Variants in PRR14L observed in about 807,000 individuals in gnomAD.
The protein encoded by PRR14L is proline rich 14 like.
Under a neutral mutation model 155.0 loss-of-function variants are expected in PRR14L, and 80 were observed. The observed-to-expected ratio is 0.52, with a 90% CI of 0.43 to 0.62. PRR14L has a LOEUF of 0.62. Among genes scored for constraint, PRR14L ranks in the 20% least tolerant of loss-of-function variants. The pLI is 0.00. For synonymous variants in PRR14L, 883 were observed against 916.0 expected (o/e 0.96, Z 0.65); for missense variants, 2,469 against 2,548.0 (o/e 0.97, Z 0.67).
chr22:31,722,413 GA>G (rs899810521), intron 3 of PRR14L, among the ~76,000 whole-genome samples: 2 of 122,236 alleles, frequency 1.6e-5, no homozygotes, highest in African/African-American at 6.2e-5. Context: ...CTGGGTGACA[GA>G]AAGAAAAAAA....
intron 2 of PRR14L, among the ~76,000 whole-genome samples, chr22:31,730,545 GT>G (rs1325678627): frequency 1.3e-5 from 2 of 152,242 alleles, no homozygotes; most frequent in Non-Finnish European, 2.9e-5. Context: ...CTATCACGGT[GT>G]TAGGGTGCCT....
chr22:31,725,634 C>T, intron 2 of PRR14L, 24 bp from the exon 3 acceptor site: 2 of 1,418,490 alleles, frequency 1.4e-6, no homozygotes, highest in Non-Finnish European at 1.9e-6. Flanking sequence ...ATCCAGTGGT[C>T]AAGGGGGATT....
At position 31,715,722 on chromosome 22, in the gene PRR14L, G is replaced by A; in HGVS notation, c.2117C>T (p.Thr706Ile). Residue 706 changes from threonine (T) to isoleucine (I), a missense_variant, in exon 4 of 9, where the codon ACC becomes ATC. Around this residue, in one of 2 missense-constraint regions of PRR14L, gnomAD observed 2,363 missense variants for 2,371.6 expected, o/e 1.00. Coordinates refer to ENST00000327423, the MANE Select transcript of PRR14L (RefSeq NM_173566.3). The stretch of plus-strand genomic sequence containing the variant: ...TTTTATTTTTGTCTGAATGGGAATG[G>A]TTTGTATATCAGCAATGACATCTGC... ...GRADVIADIQ[T>I]IPIQTKIKDI... The A allele has an allele frequency of 6.4e-7, 1 of 1,552,268 alleles. No individual in the cohort carries two copies. Among genetic ancestry groups the A allele is most frequent in the East Asian group, 2.4e-5 (1 of 40,932 alleles).
In PRR14L at chr22:31,714,196, C is replaced by CA. The variant is rs1472531278; in HGVS notation, c.3642dup (p.Gly1215TrpfsTer12). 6.4e-7 allele frequency: 1 copy of CA among 1,551,510 alleles called. No individual in the cohort carries two copies. Among genetic ancestry groups the CA allele is most frequent in the Non-Finnish European group, 8.7e-7 (1 of 1,146,926 alleles). On this transcript the variant is annotated frameshift_variant, in exon 4 of 9. Transcript: ENST00000327423. LOFTEE classifies it high-confidence loss of function. ...GACATCGACTCTTTTGAGGAAATTCCAAAGGTACTTTCTTTGCCAAACTCA... is the reference window on the plus strand; with the variant it reads ...GACATCGACTCTTTTGAGGAAATTCCAAAAGGTACTTTCTTTGCCAAACTCA...
chr22:31,748,559 C>T (rs1211397312), intron 1 of PRR14L, among the ~76,000 whole-genome samples: 5 of 152,148 alleles, frequency 3.3e-5, no homozygotes, highest in African/African-American at 1.2e-4. Context: ...TTTCCATATA[C>T]AAGAGGGAAG....
chr22:31,715,305 C>G lies in PRR14L; in HGVS notation c.2534G>C (p.Ser845Thr). 5 of 1,552,116 alleles carry G rather than the reference C, an allele frequency of 3.2e-6. No homozygotes were observed. The highest frequency in any genetic ancestry group is 4.4e-6 in the Non-Finnish European group (5 of 1,147,092). The change falls in exon 4 of 9, where the codon AGC (serine) becomes ACC (threonine). Residue 845 changes from serine (S) to threonine (T), a missense_variant. Around this residue, in one of 2 missense-constraint regions of PRR14L, gnomAD observed 2,363 missense variants for 2,371.6 expected, o/e 1.00. Transcript: ENST00000327423. ...CQGTGHSVEK[S>T]SCKVSYTSQE... ...TGATGTGTAACTCACTTTACAGCTG[C>G]TTTTTTCCACAGAGTGTCCTGTTCC...
rs778534219 is a variant in PRR14L, at chr22:31,704,615, A to G, written c.5828+40T>C. ...TGCACTCTCTCTCTTGCACACACAC[A>G]CGCACACGCGCACACACACGCTGAG... On this transcript the variant is annotated intron_variant, in intron 5 of 8. Transcript: ENST00000327423. The G allele has an allele frequency of 2.6e-6, 4 of 1,551,302 alleles. No individual in the cohort carries two copies. In the South Asian group the frequency reaches 3.3e-5, roughly 13 times the overall value.
At chr22:31,706,147 C>T (rs1387706882) in intron 4 of PRR14L, among the ~76,000 whole-genome samples, 2 of 151,964 alleles carry the variant, frequency 1.3e-5, no homozygotes, top group Non-Finnish European at 2.9e-5. Context: ...GCCTGGCCAA[C>T]ACGATGAAAC....
chr22:31,718,244 T>TG (rs548823695), intron 3 of PRR14L, among the ~76,000 whole-genome samples: 5,220 of 146,842 alleles, frequency 0.036, 111 homozygotes, highest in South Asian at 0.066. Flanking sequence ...GCTAATTTTT[T>TG]GGGGGGGTTT....
At chr22:31,687,649 G>A (rs1033119677) in intron 8 of PRR14L, among the ~76,000 whole-genome samples, 14 of 151,894 alleles carry the variant, frequency 9.2e-5, no homozygotes, top group Admixed American at 3.9e-4. Flanking sequence ...ACCGTGCCTG[G>A]CTACATTTTC....
At chr22:31,694,024 C>G (rs1436467782) in intron 7 of PRR14L, among the ~76,000 whole-genome samples, 1 of 152,194 alleles carries the variant, frequency 6.6e-6, no homozygotes, top group East Asian at 1.9e-4. Flanking sequence ...CGCCTGTAGT[C>G]CTAGCACTTT....
At chr22:31,741,841 C>T (rs2074814808) in intron 1 of PRR14L, among the ~76,000 whole-genome samples, 1 of 152,236 alleles carries the variant, frequency 6.6e-6, no homozygotes, top group Non-Finnish European at 1.5e-5. Context: ...TACTGCACTC[C>T]AGCCTGGGTG....
In PRR14L at chr22:31,712,923, C is replaced by T. The variant is rs748886316; in HGVS notation, c.4916G>A (p.Arg1639Gln). The T allele has an allele frequency of 1.3e-5, 20 of 1,551,668 alleles. No individual in the cohort carries two copies. In the East Asian group the frequency reaches 2.0e-4, roughly 15 times the overall value. The change falls in exon 4 of 9, where the codon CGG (arginine) becomes CAG (glutamine). Residue 1639 changes from arginine to glutamine, a missense_variant. By Grantham distance (43) the Arg-to-Gln change is conservative. This residue lies in a region of PRR14L where 2,363 missense variants were observed against 2,371.6 expected (regional missense o/e 1.00). Transcript: ENST00000327423. ...AMKTQKLRYR[R>Q]CSSELLPMAK... ...CATTGGAAGAAGTTCAGAGGAACAC[C>T]GTCGGTATCTTAGCTTCTGAGTCTT...
At chr22:31,717,512 C>T (rs932440121) in intron 3 of PRR14L, among the ~76,000 whole-genome samples, 3 of 152,148 alleles carry the variant, frequency 2.0e-5, no homozygotes, top group African/African-American at 7.2e-5. Flanking sequence ...CAACAAATGC[C>T]TCTTGCTGAA....
chr22:31,686,302 G>A (rs993380834), intron 8 of PRR14L, among the ~76,000 whole-genome samples: 5 of 150,344 alleles, frequency 3.3e-5, no homozygotes, highest in African/African-American at 1.2e-4. Flanking sequence ...TAGAGACAGG[G>A]TTTCACTCTG....
chr22:31,734,976 T>C (rs1027857742), intron 2 of PRR14L, among the ~76,000 whole-genome samples: 2 of 152,240 alleles, frequency 1.3e-5, no homozygotes, highest in Non-Finnish European at 2.9e-5. Context: ...GGTCTTCCGT[T>C]TCCCCTTTCC....
chr22:31,749,650 C>A (rs2074861157), intron 1 of PRR14L, among the ~76,000 whole-genome samples: 2 of 152,196 alleles, frequency 1.3e-5, no homozygotes, highest in Admixed American at 1.3e-4. Context: ...TGCTGACCAA[C>A]GGATGAGCGC....
At position 31,694,781 on chromosome 22, in the gene PRR14L, A is replaced by G. The variant is rs565626338; in HGVS notation, c.6108-6554T>C. ...AAAACAAAAACAAAAACAGAAAAAA[A>G]AAAAGAAAAAGAATACAAAATTAGG... On this transcript the variant is annotated intron_variant, in intron 7 of 8. Coordinates refer to ENST00000327423, the MANE Select transcript of PRR14L (RefSeq NM_173566.3). 2.1e-4 allele frequency among the ~76,000 whole-genome samples: 31 copies of G among 151,034 alleles called. 2 individuals carry two copies. In the South Asian group the frequency reaches 4.2e-3, roughly 20 times the overall value.
chr22:31,686,037 C>T (rs571344578), intron 8 of PRR14L, among the ~76,000 whole-genome samples: 2 of 151,992 alleles, frequency 1.3e-5, no homozygotes, highest in Non-Finnish European at 2.9e-5. Flanking sequence ...TGGGTTCAAG[C>T]GATTCTCCTG....
Sources: allele counts gnomAD v4.1 joint callset (sites outside exome capture counted in the v4.1 genomes callset), GRCh38; gene constraint gnomAD v4.1.1; regional missense constraint gnomAD v4.1.1; transcripts MANE v1.5; gene names NCBI Gene and HGNC (gene_info 2026-07-23, HGNC 2026-07-21).